MCM5: variants seen among roughly 807,000 people sequenced by gnomAD.
The protein encoded by MCM5 is minichromosome maintenance complex component 5, also known as DNA replication licensing factor MCM5.
In MCM5, 46 loss-of-function variants were observed where a neutral mutation model predicts 79.9. The ratio of observed to expected loss-of-function variants is 0.58; its 90% CI spans 0.45 to 0.74. MCM5 has a LOEUF of 0.74. MCM5 is among the 30% of genes least tolerant of loss of function. The pLI, the probability that MCM5 is intolerant of heterozygous loss-of-function variation, is 0.00. For missense variants in MCM5, 883 were observed against 1,017.0 expected (o/e 0.87, Z 1.79); for synonymous variants, 404 against 390.5 (o/e 1.03, Z -0.41).
At chr22:35,402,032 C>T (rs1178575970) in intron 2 of MCM5, among the ~76,000 whole-genome samples, 5 of 152,240 alleles carry the variant, frequency 3.3e-5, no homozygotes, top group East Asian at 3.9e-4. Flanking sequence ...TGTGATACTG[C>T]GAGGCTGGGG....
chr22:35,417,690 G>A (rs1932582510), intron 12 of MCM5, 54 bp from the exon 13 acceptor site: 2 of 1,267,756 alleles, frequency 1.6e-6, no homozygotes, highest in African/African-American at 2.9e-5. Context: ...TCAGTGCTGG[G>A]ACTCAGGCTT....
At chr22:35,438,939 T>G in the MCM5 span, among the ~76,000 whole-genome samples, 33 of 86,060 alleles carry the variant, frequency 3.8e-4, no homozygotes, top group Admixed American at 1.7e-3. Flanking sequence ...ATCCATCCAT[T>G]CATCCATCCA....
At chr22:35,445,429 A>G in the MCM5 span, among the ~76,000 whole-genome samples, 1 of 137,316 alleles carries the variant, frequency 7.3e-6, no homozygotes, top group Non-Finnish European at 1.5e-5. Context: ...CCTGGGTTCA[A>G]GTGATTCTCC....
downstream of MCM5, among the ~76,000 whole-genome samples, chr22:35,430,099 G>A (rs886187670): frequency 6.6e-6 from 1 of 152,224 alleles, no homozygotes; most frequent in Non-Finnish European, 1.5e-5. Context: ...GTTGTGGTCA[G>A]GTTGGGCTGA....
chr22:35,430,997 G>A, the MCM5 span, among the ~76,000 whole-genome samples: 56 of 152,232 alleles, frequency 3.7e-4, no homozygotes, highest in African/African-American at 1.3e-3. Flanking sequence ...CCATGAGGGG[G>A]CGCCAGAGCA....
At chr22:35,416,576 C>CGTGTGTGT (rs1555904459) in intron 11 of MCM5, 62 bp from the exon 12 acceptor site, 1 of 731,154 alleles carries the variant, frequency 1.4e-6, no homozygotes, top group African/African-American at 1.8e-5. Flanking sequence ...TGTGTGTAAA[C>CGTGTGTGT]GTGTATATAA....
intron 4 of MCM5, among the ~76,000 whole-genome samples, chr22:35,406,300 C>CA (rs1569064478): frequency 7.3e-6 from 1 of 137,678 alleles, no homozygotes; most frequent in African/African-American, 2.9e-5. Context: ...CCTGCCACCT[C>CA]CCCCCCCAAT....
At position 35,408,563 on chromosome 22, in the gene MCM5, G is replaced by T; in HGVS notation, c.752G>T (p.Arg251Met). 6.2e-7 allele frequency: 1 copy of T among 1,603,334 alleles called. No individual in the cohort carries two copies. Among genetic ancestry groups the T allele is most frequent in the Non-Finnish European group, 8.5e-7 (1 of 1,171,100 alleles). The stretch of plus-strand genomic sequence containing the variant: ...AGACACATGCAGCTCTACTGCGACA[G>T]GTGAGGCAGACGGGCTGGGAGGTGG... ...MPRHMQLYCD[R>M]YLCDKVVPGN... Residue 251 changes from arginine (R) to methionine (M), a missense_variant and splice_region_variant, in exon 6 of 17, where the codon AGG (arginine) becomes ATG (methionine). Physicochemically the swap from Arg to Met is moderately conservative, Grantham distance 91. Coordinates refer to ENST00000216122, the MANE Select transcript of MCM5 (RefSeq NM_006739.4).
intron 4 of MCM5, among the ~76,000 whole-genome samples, chr22:35,404,976 T>C (rs1183504847): frequency 1.3e-5 from 2 of 152,036 alleles, no homozygotes; most frequent in African/African-American, 2.4e-5. Flanking sequence ...TAACGAATCC[T>C]CTTGTACTCA....
rs756872152 is a variant in MCM5 at position 35,421,371 on chromosome 22, A to G, written c.1886A>G (p.Gln629Arg). 5 of 1,613,990 alleles carry G rather than the reference A, an allele frequency of 3.1e-6. No individual in the cohort carries two copies. The African/African-American group carries it at 6.7e-5, about 22-fold the overall frequency. Residue 629 changes from glutamine (Q) to arginine (R), a missense_variant, in exon 15 of 17, where the codon CAG becomes CGG. Gln to Arg is a conservative substitution (Grantham distance 43). Transcript: ENST00000216122. ...GAAGCCCTCAGCAAGATGAAGCTGC[A>G]GCCCTTCGCCACAGAGGCAGATGTG... ...IAEALSKMKLQPFATEADVEE... is the reference protein window; with the variant it reads ...IAEALSKMKLRPFATEADVEE...
At chr22:35,454,527 C>T in the MCM5 span, among the ~76,000 whole-genome samples, 1 of 152,126 alleles carries the variant, frequency 6.6e-6, no homozygotes, top group Non-Finnish European at 1.5e-5. Flanking sequence ...AGACATGACA[C>T]CCCACAGCCT....
chr22:35,406,790 A>C (rs1016854787), intron 5 of MCM5, 65 bp downstream of exon 5: 8 of 1,546,578 alleles, frequency 5.2e-6, no homozygotes, highest in Non-Finnish European at 7.0e-6. Flanking sequence ...GGATGAGAAC[A>C]AGTAGCAAGC....
the MCM5 span, among the ~76,000 whole-genome samples, chr22:35,433,380 C>G: frequency 2.0e-5 from 3 of 152,188 alleles, no homozygotes; most frequent in Non-Finnish European, 4.4e-5. Context: ...GATGAGATCA[C>G]AGCCCTGACT....
At chr22:35,443,557 G>T in the MCM5 span, among the ~76,000 whole-genome samples, 1 of 152,332 alleles carries the variant, frequency 6.6e-6, no homozygotes, top group Non-Finnish European at 1.5e-5. Context: ...CCTCACCCTG[G>T]TCTGGCCTGT....
chr22:35,407,344 C>T (rs1336076132), intron 5 of MCM5, among the ~76,000 whole-genome samples: 1 of 152,150 alleles, frequency 6.6e-6, no homozygotes, highest in Non-Finnish European at 1.5e-5. Flanking sequence ...TGGAGAGGCA[C>T]GCTACCTCCT....
the MCM5 span, among the ~76,000 whole-genome samples, chr22:35,438,166 G>T: frequency 1.3e-5 from 2 of 152,058 alleles, no homozygotes; most frequent in Non-Finnish European, 2.9e-5. Flanking sequence ...CTTAGCCTGG[G>T]AACTGCTGCT....
Position 35,415,836 on chromosome 22 carries a change from C to CTGCT in MCM5, c.1211_1212insTGCT (p.Ser405AlafsTer42), listed in dbSNP as rs1932524091. The stretch of plus-strand genomic sequence containing the variant: ...ACCACCCCACTGCCCCAGGTATACA[C>CTGCT]GTCTGGGAAAGGCAGCAGCGCAGCT... On this transcript the variant is annotated frameshift_variant, in exon 10 of 17. Coordinates refer to ENST00000216122, the MANE Select transcript of MCM5 (RefSeq NM_006739.4). LOFTEE classifies it high-confidence loss of function. 6 of 1,613,014 alleles carry CTGCT rather than the reference C, an allele frequency of 3.7e-6. No homozygotes were observed.
rs746049523 is a variant in MCM5 at position 35,408,575 on chromosome 22, G to A, written c.752+12G>A. On this transcript the variant is annotated intron_variant, in intron 6 of 16. Transcript: ENST00000216122. Reference sequence around the variant, plus strand: ...CTCTACTGCGACAGGTGAGGCAGACGGGCTGGGAGGTGGGCATCTACGACG... The same window carrying A: ...CTCTACTGCGACAGGTGAGGCAGACAGGCTGGGAGGTGGGCATCTACGACG... 1.2e-5 allele frequency: 19 copies of A among 1,598,920 alleles called. No individual in the cohort carries two copies. The highest frequency in any genetic ancestry group is 3.3e-4 in the Middle Eastern group (2 of 6,014).
the MCM5 span, among the ~76,000 whole-genome samples, chr22:35,449,707 C>G: frequency 6.6e-6 from 1 of 152,256 alleles, no homozygotes; most frequent in Non-Finnish European, 1.5e-5. Context: ...CTGGCTTTGG[C>G]TATGCTCTAT....
Sources: gnomAD v4.1 joint callset for allele counts (sites outside exome capture counted in the v4.1 genomes callset) on GRCh38, gnomAD v4.1.1 for gene constraint, MANE v1.5 for transcripts, NCBI Gene and HGNC (gene_info 2026-07-23, HGNC 2026-07-21) for gene names.